KCNAB1: variants seen among roughly 807,000 people sequenced by gnomAD.
KCNAB1 encodes potassium voltage-gated channel subfamily A regulatory beta subunit 1.
KCNAB1 carries 35 observed loss-of-function variants against 64.6 expected under a neutral mutation model. The ratio of observed to expected loss-of-function variants is 0.54; its 90% CI spans 0.41 to 0.72. The LOEUF (loss-of-function observed/expected upper bound fraction) is 0.72, where lower values mean the gene tolerates loss of function less well. Among genes scored for constraint, KCNAB1 ranks in the 30% least tolerant of loss-of-function variants. The pLI, the probability that KCNAB1 is intolerant of heterozygous loss-of-function variation, is 0.00. For synonymous variants in KCNAB1, 177 were observed against 183.8 expected (o/e 0.96, Z 0.30); for missense variants, 401 against 512.9 (o/e 0.78, Z 2.11).
chr3:156,343,041 A>G (rs1442615240), intron 1 of KCNAB1, among the ~76,000 whole-genome samples: 7 of 152,206 alleles, frequency 4.6e-5, no homozygotes, highest in African/African-American at 1.7e-4. Flanking sequence ...GTTATTATAA[A>G]AAATTGTATT....
At chr3:156,134,768 C>T (rs1001653168) in intron 1 of KCNAB1, among the ~76,000 whole-genome samples, 2 of 152,168 alleles carry the variant, frequency 1.3e-5, no homozygotes, top group Admixed American at 6.5e-5. Context: ...ATAAATTTCT[C>T]AGCCAAAGAA....
chr3:156,285,437 G>A (rs1484900899), intron 1 of KCNAB1, among the ~76,000 whole-genome samples: 2 of 151,396 alleles, frequency 1.3e-5, no homozygotes, highest in Non-Finnish European at 2.9e-5. Context: ...CCAGGTTCCA[G>A]ACAAGCTTAT....
At chr3:156,494,472 C>G (rs1174804132) in intron 8 of KCNAB1, among the ~76,000 whole-genome samples, 2 of 152,146 alleles carry the variant, frequency 1.3e-5, no homozygotes, top group Non-Finnish European at 1.5e-5. Flanking sequence ...TCCTTCTCTA[C>G]TCAGCACTTA....
chr3:156,363,659 T>A (rs1725758684), intron 1 of KCNAB1, among the ~76,000 whole-genome samples: 1 of 152,134 alleles, frequency 6.6e-6, no homozygotes. Flanking sequence ...TATTTTTCAG[T>A]GGAGATGGGG....
intron 1 of KCNAB1, among the ~76,000 whole-genome samples, chr3:156,137,243 G>A (rs1450471239): frequency 6.6e-6 from 1 of 151,086 alleles, no homozygotes; most frequent in Non-Finnish European, 1.5e-5. Context: ...TTGTTTTTAT[G>A]CTATAACGCA....
chr3:156,319,979 G>A (rs796172239), intron 1 of KCNAB1, among the ~76,000 whole-genome samples: 9 of 152,188 alleles, frequency 5.9e-5, no homozygotes, highest in African/African-American at 1.4e-4. Context: ...CTCCAACTTC[G>A]TGAGCATCCT....
chr3:156,163,823 G>T (rs757013412), intron 1 of KCNAB1, among the ~76,000 whole-genome samples: 1 of 152,170 alleles, frequency 6.6e-6, no homozygotes, highest in Non-Finnish European at 1.5e-5. Context: ...ACCCTTTGTG[G>T]CAACGGCAAA....
chr3:156,478,827 A>G (rs1333887302), intron 8 of KCNAB1, among the ~76,000 whole-genome samples: 1 of 152,138 alleles, frequency 6.6e-6, no homozygotes, highest in African/African-American at 2.4e-5. Flanking sequence ...TCATATATCT[A>G]ATTAGTTTTT....
chr3:156,492,986 G>C (rs534389226), intron 8 of KCNAB1, among the ~76,000 whole-genome samples: 1 of 152,136 alleles, frequency 6.6e-6, no homozygotes, highest in Non-Finnish European at 1.5e-5. Context: ...TAAATACTGT[G>C]CATGTATTAC....
At chr3:156,275,913 T>A (rs1172160042) in intron 1 of KCNAB1, among the ~76,000 whole-genome samples, 1 of 152,152 alleles carries the variant, frequency 6.6e-6, no homozygotes, top group Non-Finnish European at 1.5e-5. Flanking sequence ...ATATTTGACA[T>A]CCTCCTATAA....
chr3:156,466,285 T>C (rs1365381659), intron 7 of KCNAB1, among the ~76,000 whole-genome samples: 1 of 152,154 alleles, frequency 6.6e-6, no homozygotes, highest in African/African-American at 2.4e-5. Context: ...TGTTCATTCA[T>C]GTTGTAGCGC....
intron 1 of KCNAB1, among the ~76,000 whole-genome samples, chr3:156,381,801 G>A (rs7619831): frequency 0.29 from 44,415 of 152,042 alleles, 8,865 homozygotes; most frequent in African/African-American, 0.57. Flanking sequence ...GAAAAGATGA[G>A]ACCTGGGTAA....
At chr3:156,276,823 C>T (rs372530740) in intron 1 of KCNAB1, among the ~76,000 whole-genome samples, 5 of 152,064 alleles carry the variant, frequency 3.3e-5, no homozygotes, top group East Asian at 3.9e-4. Context: ...CTATCCAAAC[C>T]GCTAAAACTT....
At chr3:156,367,791 A>C (rs1407739877) in intron 1 of KCNAB1, among the ~76,000 whole-genome samples, 2 of 152,158 alleles carry the variant, frequency 1.3e-5, no homozygotes, top group African/African-American at 2.4e-5. Flanking sequence ...CTCTGTCACA[A>C]ATTCATTTAC....
chr3:156,366,216 C>T (rs1159984103), intron 1 of KCNAB1, among the ~76,000 whole-genome samples: 1 of 152,134 alleles, frequency 6.6e-6, no homozygotes, highest in Non-Finnish European at 1.5e-5. Context: ...ATGTTCACTC[C>T]TTCTCTCCGG....
intron 8 of KCNAB1, among the ~76,000 whole-genome samples, chr3:156,500,218 C>T (rs16826325): frequency 0.19 from 29,261 of 152,062 alleles, 2,891 homozygotes; most frequent in Middle Eastern, 0.26. Flanking sequence ...AGCACATGAC[C>T]TCACACGTTA....
intron 1 of KCNAB1, among the ~76,000 whole-genome samples, chr3:156,148,851 TTTTC>T (rs1311681200): frequency 1.1e-4 from 10 of 88,440 alleles, no homozygotes; most frequent in African/African-American, 4.2e-4. Flanking sequence ...TGCTTTTTCA[TTTTC>T]TTTCTTTTTT....
chr3:156,224,584 T>C (rs1560145827), intron 1 of KCNAB1, among the ~76,000 whole-genome samples: 1 of 152,158 alleles, frequency 6.6e-6, no homozygotes, highest in Non-Finnish European at 1.5e-5. Context: ...AGAGCAGAAC[T>C]AAATGAAATT....
At chr3:156,255,836 T>C (rs536203099) in intron 1 of KCNAB1, among the ~76,000 whole-genome samples, 1 of 152,360 alleles carries the variant, frequency 6.6e-6, no homozygotes, top group East Asian at 1.9e-4. Context: ...GCACTTCTTT[T>C]AGCATGTATG....
Sources: allele counts gnomAD v4.1 joint callset (sites outside exome capture counted in the v4.1 genomes callset), GRCh38; gene constraint gnomAD v4.1.1; transcripts MANE v1.5; gene names NCBI Gene and HGNC (gene_info 2026-07-23, HGNC 2026-07-21).